RPS6KC1: variants seen among roughly 807,000 people sequenced by gnomAD.
RPS6KC1 encodes ribosomal protein S6 kinase C1.
A neutral mutation model predicts 103.8 loss-of-function variants in RPS6KC1; 54 were observed. The observed-to-expected ratio is 0.52, with a 90% CI of 0.42 to 0.65. The LOEUF (loss-of-function observed/expected upper bound fraction) is 0.65. RPS6KC1 is among the 30% of genes least tolerant of loss of function. The pLI is 0.00. For synonymous variants in RPS6KC1, 439 were observed against 438.7 expected, an observed-to-expected ratio of 1.00 and a Z score of -0.01; for missense variants, 1,151 against 1,253.8, an observed-to-expected ratio of 0.92 and a Z score of 1.24.
chr1:213,523,987 C>G, the RPS6KC1 span, among the ~76,000 whole-genome samples: 48 of 152,102 alleles, frequency 3.2e-4, no homozygotes, highest in Non-Finnish European at 6.0e-4. Context: ...AAAGTCACGG[C>G]GGGAGGCTGA....
At chr1:213,163,141 A>G (rs971051136) in intron 6 of RPS6KC1, among the ~76,000 whole-genome samples, 3 of 152,236 alleles carry the variant, frequency 2.0e-5, no homozygotes, top group African/African-American at 4.8e-5. Flanking sequence ...ACTAACTGTA[A>G]CTACCAAGGC....
the RPS6KC1 span, among the ~76,000 whole-genome samples, chr1:213,606,747 G>A: frequency 1.3e-5 from 2 of 152,158 alleles, no homozygotes; most frequent in Non-Finnish European, 2.9e-5. Flanking sequence ...AACTGTCAGA[G>A]GCATGTTTGA....
chr1:213,648,148 C>T, the RPS6KC1 span, among the ~76,000 whole-genome samples: 2 of 152,298 alleles, frequency 1.3e-5, 1 homozygote, highest in African/African-American at 4.8e-5. Context: ...AAACCATGAA[C>T]TACCTCAAAT....
the RPS6KC1 span, among the ~76,000 whole-genome samples, chr1:213,646,541 C>T: frequency 6.6e-6 from 1 of 152,128 alleles, no homozygotes; most frequent in Non-Finnish European, 1.5e-5. Flanking sequence ...AGGTCAGATA[C>T]AGCTGTTGTC....
chr1:213,446,118 T>A, the RPS6KC1 span, among the ~76,000 whole-genome samples: 3 of 152,010 alleles, frequency 2.0e-5, no homozygotes, highest in African/African-American at 7.2e-5. Flanking sequence ...AACTTTGGAG[T>A]CTGGGCTTCA....
intron 8 of RPS6KC1, among the ~76,000 whole-genome samples, chr1:213,206,821 G>A (rs567441707): frequency 6.1e-4 from 93 of 152,054 alleles, no homozygotes; most frequent in Non-Finnish European, 1.1e-3. Flanking sequence ...GGTTCATATA[G>A]TGCTTCTAGG....
chr1:213,249,848 C>A (rs12403510), intron 12 of RPS6KC1, among the ~76,000 whole-genome samples: 1,905 of 152,226 alleles, frequency 0.013, 17 homozygotes, highest in Non-Finnish European at 0.021. Context: ...CTATAAACTC[C>A]CTTGAACAAG....
chr1:213,364,026 G>A, the RPS6KC1 span, among the ~76,000 whole-genome samples: 5 of 151,800 alleles, frequency 3.3e-5, no homozygotes, highest in African/African-American at 1.2e-4. Flanking sequence ...TTTAGTGCAG[G>A]GATTGGCAAG....
At chr1:213,642,929 C>G in the RPS6KC1 span, among the ~76,000 whole-genome samples, 9 of 151,676 alleles carry the variant, frequency 5.9e-5, no homozygotes, top group South Asian at 2.1e-4. Flanking sequence ...TTTCTAACAC[C>G]ATTTATTGTA....
At chr1:213,763,763 T>C in the RPS6KC1 span, among the ~76,000 whole-genome samples, 1 of 152,214 alleles carries the variant, frequency 6.6e-6, no homozygotes, top group African/African-American at 2.4e-5. Context: ...ACAAATGTCT[T>C]AGGCTCCTTA....
At chr1:213,781,048 A>G in the RPS6KC1 span, among the ~76,000 whole-genome samples, 3 of 152,124 alleles carry the variant, frequency 2.0e-5, no homozygotes, top group Non-Finnish European at 4.4e-5. Flanking sequence ...CAACAAACAA[A>G]CAAAAAATAA....
intron 8 of RPS6KC1, among the ~76,000 whole-genome samples, chr1:213,199,584 CACAAG>C (rs2093077348): frequency 6.6e-6 from 1 of 152,188 alleles, no homozygotes; most frequent in Non-Finnish European, 1.5e-5. Flanking sequence ...TGAAAACTGG[CACAAG>C]ACAAGGATGC....
intron 3 of RPS6KC1, among the ~76,000 whole-genome samples, chr1:213,098,374 T>C (rs1190010652): frequency 1.3e-5 from 2 of 150,142 alleles, no homozygotes; most frequent in Non-Finnish European, 1.5e-5. Flanking sequence ...ACTCCTGGGC[T>C]CAACTGATCA....
At chr1:213,248,731 A>G (rs1019477775) in intron 12 of RPS6KC1, among the ~76,000 whole-genome samples, 6 of 152,240 alleles carry the variant, frequency 3.9e-5, no homozygotes, top group Non-Finnish European at 8.8e-5. Context: ...AGGTTGCTCC[A>G]TATTGAAACA....
the RPS6KC1 span, among the ~76,000 whole-genome samples, chr1:213,714,563 G>A: frequency 2.0e-4 from 30 of 152,328 alleles, no homozygotes; most frequent in Non-Finnish European, 4.0e-4. Flanking sequence ...CTGGGCTGGC[G>A]TGCAGGGCAT....
intron 8 of RPS6KC1, among the ~76,000 whole-genome samples, chr1:213,185,251 C>G (rs1298685618): frequency 6.6e-6 from 1 of 152,130 alleles, no homozygotes; most frequent in Non-Finnish European, 1.5e-5. Context: ...TTTTCCACCC[C>G]TTCACTTTCA....
chr1:213,091,296 G>A (rs771550332), intron 3 of RPS6KC1, among the ~76,000 whole-genome samples: 1 of 151,946 alleles, frequency 6.6e-6, no homozygotes, highest in African/African-American at 2.4e-5. Flanking sequence ...TCCTGACCTC[G>A]TGATCTGCCT....
the RPS6KC1 span, among the ~76,000 whole-genome samples, chr1:213,714,412 A>G: frequency 6.6e-6 from 1 of 152,232 alleles, no homozygotes; most frequent in Non-Finnish European, 1.5e-5. Flanking sequence ...TTTCCCTTTT[A>G]TGCTGCTTAT....
At chr1:213,248,757 A>G (rs2094496473) in intron 12 of RPS6KC1, among the ~76,000 whole-genome samples, 2 of 152,320 alleles carry the variant, frequency 1.3e-5, no homozygotes, top group South Asian at 4.1e-4. Flanking sequence ...TTCTGAAATC[A>G]TGATTCTCCT....
Sources: allele counts gnomAD v4.1 joint callset (sites outside exome capture counted in the v4.1 genomes callset), GRCh38; gene constraint gnomAD v4.1.1; transcripts MANE v1.5; gene names NCBI Gene and HGNC (gene_info 2026-07-23, HGNC 2026-07-21).